ANKFN1: variants seen among roughly 807,000 people sequenced by gnomAD.
ANKFN1 encodes the protein ankyrin repeat and fibronectin type III domain containing 1, also known as ankyrin repeat and fibronectin type-III domain-containing protein 1.
Under a neutral mutation model 108.7 loss-of-function variants are expected in ANKFN1, and 74 were observed. The ratio of observed to expected loss-of-function variants is 0.68; its 90% confidence interval spans 0.56 to 0.83. ANKFN1 has a LOEUF of 0.83. Among genes scored for constraint, ANKFN1 ranks in the 40% least tolerant of loss-of-function variants. The pLI is 0.00. For missense variants in ANKFN1, 1,505 were observed against 1,382.3 expected (o/e 1.09, Z -1.41); for synonymous variants, 547 against 516.2 (o/e 1.06, Z -0.81).
chr17:56,433,159 C>T (rs1440554284), intron 8 of ANKFN1, among the ~76,000 whole-genome samples: 1 of 151,988 alleles, frequency 6.6e-6, no homozygotes, highest in Non-Finnish European at 1.5e-5. Flanking sequence ...TTCTTTATCA[C>T]CCATTGATTC....
At chr17:56,153,814 T>C (rs1451709691) in intron 1 of ANKFN1, among the ~76,000 whole-genome samples, 1 of 152,194 alleles carries the variant, frequency 6.6e-6, no homozygotes, top group Non-Finnish European at 1.5e-5. Flanking sequence ...CTTTATGGTC[T>C]GTTTTCTCTT....
At chr17:56,421,402 A>G (rs2048401376) in intron 8 of ANKFN1, among the ~76,000 whole-genome samples, 1 of 152,180 alleles carries the variant, frequency 6.6e-6, no homozygotes, top group African/African-American at 2.4e-5. Flanking sequence ...ACAGACAACT[A>G]TTAACTACCT....
At chr17:56,318,454 C>A (rs2045270455) in intron 3 of ANKFN1, among the ~76,000 whole-genome samples, 1 of 152,088 alleles carries the variant, frequency 6.6e-6, no homozygotes, top group Non-Finnish European at 1.5e-5. Context: ...AAATTATCTA[C>A]CATGCACAGG....
chr17:56,440,478 A>T (rs1276815836), intron 9 of ANKFN1, 54 bp downstream of exon 9: 1 of 1,456,806 alleles, frequency 6.9e-7, no homozygotes, highest in Non-Finnish European at 9.6e-7. Flanking sequence ...TTGTGCTGGG[A>T]TATCAGTAGC....
chr17:56,160,303 A>G (rs925891571), intron 1 of ANKFN1, among the ~76,000 whole-genome samples: 9 of 152,252 alleles, frequency 5.9e-5, no homozygotes, highest in Non-Finnish European at 1.2e-4. Flanking sequence ...GAGAAAGGTA[A>G]ATGATAAAAA....
At chr17:56,317,729 G>GTT (rs908798753) in intron 3 of ANKFN1, among the ~76,000 whole-genome samples, 192 of 152,270 alleles carry the variant, frequency 1.3e-3, no homozygotes, top group Non-Finnish European at 7.6e-4. Flanking sequence ...TTCCTTCCTG[G>GTT]TGTGTCCCTG....
At chr17:56,167,316 CACAT>C (rs1386807067) in intron 1 of ANKFN1, among the ~76,000 whole-genome samples, 141 of 75,738 alleles carry the variant, frequency 1.9e-3, no homozygotes, top group African/African-American at 6.5e-3. Context: ...CACACACACA[CACAT>C]ATATATATAT....
At chr17:56,173,907 C>T (rs921879431) in intron 1 of ANKFN1, among the ~76,000 whole-genome samples, 7 of 152,220 alleles carry the variant, frequency 4.6e-5, no homozygotes, top group African/African-American at 1.7e-4. Context: ...ATCTGAGACC[C>T]ACTGATCCCA....
intron 11 of ANKFN1, among the ~76,000 whole-genome samples, chr17:56,455,152 C>T (rs890965951): frequency 4.6e-5 from 7 of 152,162 alleles, no homozygotes; most frequent in Admixed American, 6.5e-5. Context: ...TTAAATCTTT[C>T]TATCCATCTG....
At chr17:56,290,745 A>G (rs1177839781) in intron 3 of ANKFN1, among the ~76,000 whole-genome samples, 2 of 152,200 alleles carry the variant, frequency 1.3e-5, no homozygotes, top group East Asian at 1.9e-4. Flanking sequence ...AACTAATTTC[A>G]TTAGCCACTG....
intron 6 of ANKFN1, chr17:56,368,170 G>T: frequency 1.5e-6 from 2 of 1,332,908 alleles, no homozygotes; most frequent in Non-Finnish European, 9.9e-7. Context: ...TCCAGAGAAT[G>T]AACCTTTTGA....
chr17:56,048,984 T>C (rs573447172), intron 4 of ANKFN1, among the ~76,000 whole-genome samples: 35 of 152,368 alleles, frequency 2.3e-4, no homozygotes, highest in Admixed American at 9.8e-4. Flanking sequence ...TCCACTGCCC[T>C]GTAATGATCT....
rs188956349 is a variant in ANKFN1 at position 56,106,740 on chromosome 17, G to A, written c.288+60415G>A. 1.9e-3 allele frequency among the ~76,000 whole-genome samples: 290 copies of A among 152,210 alleles called. 1 individual carries two copies. The highest frequency in any genetic ancestry group is 6.5e-3 in the African/African-American group (270 of 41,532). ...CCTCAAAAATCTCATCTTGAAGGCC[G>A]TCCAGTCCTACCAATTTCTCCCTCT... On this transcript the variant is annotated intron_variant, in intron 4 of 12. Transcript: ENST00000635860.
intron 2 of ANKFN1, among the ~76,000 whole-genome samples, chr17:56,219,201 C>T (rs529999188): frequency 7.9e-5 from 12 of 152,030 alleles, no homozygotes; most frequent in African/African-American, 2.4e-4. Context: ...ATTAATAATT[C>T]ACCTATGTTA....
rs1020907881 is a variant in ANKFN1, at chr17:56,456,910, C to A, written c.1257C>A (p.Ser419Arg). 1.2e-6 allele frequency: 2 copies of A among 1,613,966 alleles called. No individual in the cohort carries two copies. The highest frequency in any genetic ancestry group is 8.5e-7 in the Non-Finnish European group (1 of 1,180,018). The change falls in exon 12 of 21, where the codon AGC becomes AGA. Residue 419 changes from serine to arginine, a missense_variant. Transcript: ENST00000682825. ...TTGRKQSVSR[S>R]LKHLFHSSNK... ...GCCGCAAGCAGTCAGTCTCAAGAAGCCTGAAACACCTGTTCCATTCCTCGA... is the reference window on the plus strand; with the variant it reads ...GCCGCAAGCAGTCAGTCTCAAGAAGACTGAAACACCTGTTCCATTCCTCGA...
intron 10 of ANKFN1, among the ~76,000 whole-genome samples, chr17:56,444,483 A>C (rs1038927247): frequency 2.0e-5 from 3 of 152,184 alleles, no homozygotes; most frequent in Non-Finnish European, 4.4e-5. Context: ...CAGTTTGTAA[A>C]GGGCTTTCAC....
chr17:56,194,851 A>G (rs1003291797), intron 1 of ANKFN1, among the ~76,000 whole-genome samples: 1 of 152,230 alleles, frequency 6.6e-6, no homozygotes, highest in Admixed American at 6.5e-5. Flanking sequence ...TCCCTGTACC[A>G]TCTATCAATT....
intron 3 of ANKFN1, among the ~76,000 whole-genome samples, chr17:56,273,234 T>C (rs1246235929): frequency 2.0e-5 from 3 of 152,202 alleles, no homozygotes; most frequent in Non-Finnish European, 4.4e-5. Context: ...TTTAACAGTA[T>C]AGTGTGTTCA....
intron 4 of ANKFN1, among the ~76,000 whole-genome samples, chr17:56,132,513 T>C (rs1390540733): frequency 5.3e-5 from 8 of 152,144 alleles, no homozygotes; most frequent in Non-Finnish European, 7.3e-5. Context: ...GCAAAGACTG[T>C]CTCTAATGGG....
Sources: gnomAD v4.1 joint callset for allele counts (sites outside exome capture counted in the v4.1 genomes callset) on GRCh38, gnomAD v4.1.1 for gene constraint, MANE v1.5 for transcripts, NCBI Gene and HGNC (gene_info 2026-07-23, HGNC 2026-07-21) for gene names.